NYAP2: variants seen among roughly 807,000 people sequenced by gnomAD.
The protein encoded by NYAP2 is neuronal tyrosine-phosphorylated phosphoinositide-3-kinase adapter 2.
NYAP2 carries 23 observed loss-of-function variants against 50.4 expected under a neutral mutation model. The ratio of observed to expected loss-of-function variants is 0.46; its 90% CI spans 0.33 to 0.65. The LOEUF is 0.65. Among genes scored for constraint, NYAP2 ranks in the 30% least tolerant of loss-of-function variants. NYAP2 has a pLI of 0.02. For synonymous variants in NYAP2, 394 were observed against 365.2 expected (o/e 1.08, Z -0.90); for missense variants, 885 against 861.0 (o/e 1.03, Z -0.35).
In NYAP2 at chr2:225,545,247, C is replaced by T. The variant is rs78325464; in HGVS notation, c.523+31575C>T. Among the ~76,000 whole-genome samples the T allele has an allele frequency of 2.9e-4, 44 of 152,260 alleles. No homozygotes were observed. The East Asian group carries it at 6.6e-3, about 23-fold the overall frequency. ...TCCTTCTCTATGTTTGGGAAGTTCT[C>T]GGACATTTTCCCTTTGAATAAACTT... On this transcript the variant is annotated intron_variant, in intron 4 of 6. Transcript: ENST00000636099.
intron 6 of NYAP2, among the ~76,000 whole-genome samples, chr2:225,642,238 G>A (rs1024158132): frequency 4.0e-5 from 6 of 151,752 alleles, no homozygotes; most frequent in South Asian, 2.1e-4. Context: ...GAAGCTGGTC[G>A]TATAAGCTGA....
At chr2:225,573,704 C>T (rs2106223615) in intron 4 of NYAP2, among the ~76,000 whole-genome samples, 1 of 152,306 alleles carries the variant, frequency 6.6e-6, no homozygotes, top group Admixed American at 6.5e-5. Context: ...ACTCACATGT[C>T]TGAGCAATCT....
At chr2:225,694,378 G>A in the NYAP2 span, among the ~76,000 whole-genome samples, 1 of 151,506 alleles carries the variant, frequency 6.6e-6, no homozygotes, top group African/African-American at 2.4e-5. Context: ...AATTTTTTAT[G>A]GGTAGTATTT....
At position 225,637,008 on chromosome 2, in the gene NYAP2, C is replaced by G. The variant is rs185070880; in HGVS notation, c.1828+9882C>G. ...TTTAAGACACTGAGTTTGGGTGTGG[C>G]GTGACACAGATACCATGATCTGTTT... On this transcript the variant is annotated intron_variant, in intron 6 of 6. Transcript: ENST00000636099. 2.6e-5 allele frequency among the ~76,000 whole-genome samples: 4 copies of G among 152,202 alleles called. No homozygotes were observed. The East Asian group carries it at 7.7e-4, about 29-fold the overall frequency.
intron 5 of NYAP2, among the ~76,000 whole-genome samples, chr2:225,623,743 T>C (rs1693163743): frequency 6.6e-6 from 1 of 152,218 alleles, no homozygotes; most frequent in Non-Finnish European, 1.5e-5. Context: ...TTCAACATGC[T>C]TGCTCTATTT....
chr2:225,602,964 G>T (rs1692717508), intron 5 of NYAP2, among the ~76,000 whole-genome samples: 2 of 151,934 alleles, frequency 1.3e-5, no homozygotes, highest in South Asian at 4.2e-4. Flanking sequence ...ATTTTAGAAT[G>T]GATGTTTTTA....
chr2:225,526,683 C>T (rs553174544), intron 4 of NYAP2, among the ~76,000 whole-genome samples: 1 of 152,302 alleles, frequency 6.6e-6, no homozygotes, highest in Non-Finnish European at 1.5e-5. Context: ...GCAAGTGGCA[C>T]TTGTACTTCA....
At chr2:225,638,612 CAGAG>C (rs1402772291) in intron 6 of NYAP2, among the ~76,000 whole-genome samples, 1 of 152,100 alleles carries the variant, frequency 6.6e-6, no homozygotes, top group Non-Finnish European at 1.5e-5. Context: ...CCACAAAAGA[CAGAG>C]AGCGAACAAC....
chr2:225,541,219 A>G (rs1205243151), intron 4 of NYAP2, among the ~76,000 whole-genome samples: 2 of 152,048 alleles, frequency 1.3e-5, no homozygotes, highest in African/African-American at 2.4e-5. Context: ...GTTTGCAAAT[A>G]TTTTATTCCA....
chr2:225,584,536 A>G (rs949294301), intron 5 of NYAP2, among the ~76,000 whole-genome samples: 2 of 152,248 alleles, frequency 1.3e-5, no homozygotes, highest in Admixed American at 1.3e-4. Context: ...TTACATCTCA[A>G]GTAATCCCTC....
At chr2:225,474,024 A>G (rs1469663240) in intron 3 of NYAP2, among the ~76,000 whole-genome samples, 3 of 152,234 alleles carry the variant, frequency 2.0e-5, no homozygotes, top group African/African-American at 7.2e-5. Flanking sequence ...AGCTTTCTAC[A>G]TATGGCTAGC....
chr2:225,563,395 G>T (rs1559215340), intron 4 of NYAP2, among the ~76,000 whole-genome samples: 1 of 152,118 alleles, frequency 6.6e-6, no homozygotes. Context: ...CCTGGTGTTG[G>T]GAAATCACTT....
chr2:225,430,772 C>T (rs1481332360), intron 3 of NYAP2, among the ~76,000 whole-genome samples: 3 of 152,008 alleles, frequency 2.0e-5, no homozygotes, highest in Non-Finnish European at 4.4e-5. Flanking sequence ...TAGGAAAATA[C>T]AGCAAACAAA....
Position 225,619,893 on chromosome 2 carries a change from T to A in NYAP2, c.1619-7024T>A, listed in dbSNP as rs1457172891. On this transcript the variant is annotated intron_variant, in intron 5 of 6. Coordinates refer to ENST00000636099, the Ensembl canonical transcript of NYAP2. Reference sequence around the variant, plus strand: ...ATATAATAAAATAATACATCCATTTTTGTAATAAATTTAATTCAAGTTCAG... The same window carrying A: ...ATATAATAAAATAATACATCCATTTATGTAATAAATTTAATTCAAGTTCAG... Among the ~76,000 whole-genome samples the A allele has an allele frequency of 3.3e-5, 5 of 152,246 alleles. No individual in the cohort carries two copies. The East Asian group carries it at 9.6e-4, about 29-fold the overall frequency.
At chr2:225,558,598 C>T (rs1016018446) in intron 4 of NYAP2, among the ~76,000 whole-genome samples, 1 of 152,126 alleles carries the variant, frequency 6.6e-6, no homozygotes, top group African/African-American at 2.4e-5. Context: ...TTAGACTGGA[C>T]TCATCTGGAC....
At chr2:225,520,455 T>C (rs1017420398) in intron 4 of NYAP2, among the ~76,000 whole-genome samples, 1 of 152,138 alleles carries the variant, frequency 6.6e-6, no homozygotes, top group African/African-American at 2.4e-5. Context: ...TTGTATAAGG[T>C]GTAAGGAAGG....
At chr2:225,543,954 T>C (rs979222494) in intron 4 of NYAP2, among the ~76,000 whole-genome samples, 6 of 152,128 alleles carry the variant, frequency 3.9e-5, no homozygotes, top group African/African-American at 7.2e-5. Flanking sequence ...TAGGTGCATA[T>C]GTATTTACAA....
intron 5 of NYAP2, among the ~76,000 whole-genome samples, chr2:225,598,040 A>T (rs1313990425): frequency 1.3e-5 from 2 of 152,098 alleles, no homozygotes; most frequent in Non-Finnish European, 2.9e-5. Context: ...AGAATTGGAG[A>T]GAATGCAAGC....
At chr2:225,477,809 G>A (rs918680512) in intron 3 of NYAP2, among the ~76,000 whole-genome samples, 3 of 151,958 alleles carry the variant, frequency 2.0e-5, no homozygotes, top group Non-Finnish European at 2.9e-5. Flanking sequence ...AATTTGAAAC[G>A]GGCCCCTCCA....
Sources: allele counts gnomAD v4.1 joint callset (sites outside exome capture counted in the v4.1 genomes callset), GRCh38; gene constraint gnomAD v4.1.1; transcripts MANE v1.5; gene names NCBI Gene and HGNC (gene_info 2026-07-23, HGNC 2026-07-21).